Variants in KCNQ5 observed in about 807,000 individuals in gnomAD.
KCNQ5 encodes potassium voltage-gated channel subfamily Q member 5.
Under a neutral mutation model 98.2 loss-of-function variants are expected in KCNQ5, and 30 were observed. The ratio of observed to expected loss-of-function variants is 0.31; its 90% CI spans 0.23 to 0.41. The LOEUF (loss-of-function observed/expected upper bound fraction) is 0.41, where lower values mean the gene tolerates loss of function less well. Among genes scored for constraint, KCNQ5 ranks in the 10% least tolerant of loss-of-function variants. The pLI, the probability that KCNQ5 is intolerant of heterozygous loss-of-function variation, is 1.00. For missense variants in KCNQ5, 835 were observed against 1,182.5 expected (o/e 0.71, Z 4.31); for synonymous variants, 458 against 449.4 (o/e 1.02, Z -0.24).
intron 1 of KCNQ5, among the ~76,000 whole-genome samples, chr6:72,973,121 T>C (rs1562102545): frequency 6.6e-6 from 1 of 152,192 alleles, no homozygotes; most frequent in African/African-American, 2.4e-5. Flanking sequence ...CCCAAATGGG[T>C]TGAAAAATGA....
chr6:72,972,356 G>A (rs1398226435), intron 1 of KCNQ5, among the ~76,000 whole-genome samples: 2 of 42,526 alleles, frequency 4.7e-5, no homozygotes, highest in Non-Finnish European at 1.4e-4. Flanking sequence ...TCATTGAGCT[G>A]CTTCTTTTTT....
chr6:73,089,204 T>C (rs965927123), intron 5 of KCNQ5, among the ~76,000 whole-genome samples: 2 of 152,200 alleles, frequency 1.3e-5, no homozygotes, highest in Admixed American at 1.3e-4. Context: ...TACAATTTAC[T>C]TTCTAGTTGG....
In KCNQ5 at chr6:73,161,807, C is replaced by T. The variant is rs549352917; in HGVS notation, c.1469-7939C>T. ...CCAAAATGGTCTTCTTTACCATCCT[C>T]TCTCTTCATCATCTCAAGTCCAAGT... On this transcript the variant is annotated intron_variant, in intron 10 of 13. Coordinates refer to ENST00000370398, the MANE Select transcript of KCNQ5 (RefSeq NM_019842.4). 1.1e-4 allele frequency among the ~76,000 whole-genome samples: 16 copies of T among 152,304 alleles called. No homozygotes were observed. In the South Asian group the frequency reaches 2.5e-3, roughly 24 times the overall value.
At chr6:72,711,173 CAGA>C (rs1193395644) in intron 1 of KCNQ5, among the ~76,000 whole-genome samples, 1 of 151,846 alleles carries the variant, frequency 6.6e-6, no homozygotes, top group East Asian at 1.9e-4. Flanking sequence ...TCCTCCTTAT[CAGA>C]AGAAGAGACA....
intron 1 of KCNQ5, among the ~76,000 whole-genome samples, chr6:72,764,678 C>A (rs1056578638): frequency 2.0e-5 from 3 of 151,920 alleles, no homozygotes; most frequent in Non-Finnish European, 2.9e-5. Flanking sequence ...TATAGTCATC[C>A]TTTTGTGCTA....
intron 3 of KCNQ5, chr6:73,055,588 G>T: frequency 7.4e-7 from 1 of 1,351,122 alleles, no homozygotes; most frequent in Non-Finnish European, 1.1e-6. Context: ...TGCCCTTCTG[G>T]AATGAAGAAG....
At chr6:72,837,662 A>G (rs1257203857) in intron 1 of KCNQ5, among the ~76,000 whole-genome samples, 1 of 152,192 alleles carries the variant, frequency 6.6e-6, no homozygotes, top group Non-Finnish European at 1.5e-5. Context: ...TTCCATTGCT[A>G]TACTGCTTCC....
intron 11 of KCNQ5, among the ~76,000 whole-genome samples, chr6:73,187,893 A>G (rs79700507): frequency 2.4e-3 from 372 of 152,348 alleles, no homozygotes; most frequent in Non-Finnish European, 4.2e-3. Flanking sequence ...GCAACAAGCA[A>G]CTTTTGATGA....
intron 1 of KCNQ5, among the ~76,000 whole-genome samples, chr6:72,910,483 G>A (rs1035821877): frequency 2.0e-5 from 3 of 151,380 alleles, no homozygotes; most frequent in African/African-American, 7.3e-5. Flanking sequence ...TTCTTCACCC[G>A]ATTAGCCATT....
At chr6:73,049,178 T>A (rs1772102747) in intron 3 of KCNQ5, among the ~76,000 whole-genome samples, 1 of 152,188 alleles carries the variant, frequency 6.6e-6, no homozygotes, top group South Asian at 2.1e-4. Context: ...TTTTAATAAA[T>A]ATCACAGAGC....
intron 1 of KCNQ5, among the ~76,000 whole-genome samples, chr6:72,629,667 A>C (rs1414251465): frequency 6.6e-6 from 1 of 152,236 alleles, no homozygotes; most frequent in Non-Finnish European, 1.5e-5. Flanking sequence ...GCAGATGAAA[A>C]TGCCAGCAGA....
intron 1 of KCNQ5, among the ~76,000 whole-genome samples, chr6:72,780,585 C>T (rs1773411333): frequency 6.6e-6 from 1 of 152,064 alleles, no homozygotes; most frequent in Non-Finnish European, 1.5e-5. Context: ...AGAAGGCAAC[C>T]CAGTTTTGCT....
rs909492612 is a variant in KCNQ5 at position 72,897,306 on chromosome 6, C to T, written c.399-106602C>T. Among the ~76,000 whole-genome samples, 5 of 152,040 alleles carry T rather than the reference C, an allele frequency of 3.3e-5. No homozygotes were observed. The East Asian group carries it at 5.8e-4, about 18-fold the overall frequency. ...CTGTAATCCCAGCACTTTGGGAGGC[C>T]GAGGCGGGTAGATCACTTGAGGTCA... is the stretch of plus-strand genomic sequence containing the variant. On this transcript the variant is annotated intron_variant, in intron 1 of 13. Coordinates refer to ENST00000370398, the MANE Select transcript of KCNQ5 (RefSeq NM_019842.4).
chr6:72,920,882 G>A (rs1276837866), intron 1 of KCNQ5, among the ~76,000 whole-genome samples: 1 of 152,054 alleles, frequency 6.6e-6, no homozygotes, highest in East Asian at 1.9e-4. Context: ...ATCTTAGGCT[G>A]TACATTTGAG....
chr6:72,646,996 A>G (rs1030235460), intron 1 of KCNQ5, among the ~76,000 whole-genome samples: 1 of 152,192 alleles, frequency 6.6e-6, no homozygotes, highest in African/African-American at 2.4e-5. Context: ...TGGTAAACAT[A>G]GGCACAGAAC....
intron 1 of KCNQ5, among the ~76,000 whole-genome samples, chr6:72,715,933 T>C (rs1344748113): frequency 2.0e-5 from 3 of 152,212 alleles, no homozygotes; most frequent in African/African-American, 7.2e-5. Flanking sequence ...ACTTATGTTA[T>C]ACTTTTTACT....
intron 3 of KCNQ5, among the ~76,000 whole-genome samples, chr6:73,074,127 G>T (rs1271259027): frequency 1.3e-5 from 2 of 151,978 alleles, no homozygotes; most frequent in Non-Finnish European, 2.9e-5. Context: ...TATATTTCAG[G>T]CACTGTTCTA....
At chr6:73,091,014 A>G (rs1159846880) in intron 5 of KCNQ5, among the ~76,000 whole-genome samples, 1 of 152,216 alleles carries the variant, frequency 6.6e-6, no homozygotes, top group Non-Finnish European at 1.5e-5. Context: ...TATAAAGACA[A>G]ATGCACTTGT....
At chr6:73,103,850 A>G (rs1774896056) in intron 5 of KCNQ5, among the ~76,000 whole-genome samples, 1 of 152,204 alleles carries the variant, frequency 6.6e-6, no homozygotes. Flanking sequence ...TTTTAAAATA[A>G]TTAAGAGTAT....
Sources: allele counts gnomAD v4.1 joint callset (sites outside exome capture counted in the v4.1 genomes callset), GRCh38; gene constraint gnomAD v4.1.1; transcripts MANE v1.5; gene names NCBI Gene and HGNC (gene_info 2026-07-23, HGNC 2026-07-21).